Variants in ERC2 observed in about 807,000 individuals in gnomAD.
The protein encoded by ERC2 is ELKS/RAB6-interacting/CAST family member 2.
ERC2 carries 42 observed loss-of-function variants against 114.8 expected under a neutral mutation model. The observed-to-expected ratio is 0.37, with a 90% CI of 0.29 to 0.47. ERC2 has a LOEUF of 0.47. Among genes scored for constraint, ERC2 ranks in the 20% least tolerant of loss-of-function variants. The pLI is 0.99. For synonymous variants in ERC2, 454 were observed against 425.5 expected (o/e 1.07, Z -0.82); for missense variants, 939 against 1,150.7 (o/e 0.82, Z 2.66).
At chr3:55,570,230 G>A (rs988730722) in intron 17 of ERC2, among the ~76,000 whole-genome samples, 6 of 151,844 alleles carry the variant, frequency 4.0e-5, no homozygotes, top group Admixed American at 6.6e-5. Context: ...TCTCCCACCC[G>A]TCTCAATTTC....
intron 17 of ERC2, among the ~76,000 whole-genome samples, chr3:55,577,008 G>A (rs576720186): frequency 3.9e-5 from 6 of 152,334 alleles, no homozygotes; most frequent in Admixed American, 2.0e-4. Context: ...AAGCTAAGAC[G>A]TCTGGCTTGC....
intron 13 of ERC2, among the ~76,000 whole-genome samples, chr3:55,897,950 T>C (rs1194645097): frequency 6.6e-6 from 1 of 152,204 alleles, no homozygotes; most frequent in Non-Finnish European, 1.5e-5. Context: ...ATTGGTTGCC[T>C]CTGATCCTTC....
chr3:56,316,732 T>C (rs909364168), intron 2 of ERC2, among the ~76,000 whole-genome samples: 2 of 152,222 alleles, frequency 1.3e-5, no homozygotes, highest in Admixed American at 1.3e-4. Context: ...CACAACTTAT[T>C]CAGTGAATTC....
chr3:56,043,804 C>G (rs2075323045), intron 7 of ERC2, among the ~76,000 whole-genome samples: 1 of 152,078 alleles, frequency 6.6e-6, no homozygotes, highest in Non-Finnish European at 1.5e-5. Context: ...TCAATTGCAA[C>G]TAACTTTAAA....
chr3:55,757,666 T>C (rs979525601), intron 14 of ERC2, among the ~76,000 whole-genome samples: 1 of 152,272 alleles, frequency 6.6e-6, no homozygotes. Context: ...GCTTGACACA[T>C]GGTAAGCATT....
intron 2 of ERC2, among the ~76,000 whole-genome samples, chr3:56,428,987 T>C (rs1196256617): frequency 6.6e-6 from 1 of 152,186 alleles, no homozygotes; most frequent in Non-Finnish European, 1.5e-5. Flanking sequence ...TGTCTAAAAA[T>C]TGCTTTATGT....
chr3:55,729,372 T>C (rs141498464), intron 15 of ERC2, among the ~76,000 whole-genome samples: 1,765 of 152,264 alleles, frequency 0.012, 18 homozygotes, highest in Non-Finnish European at 0.018. Context: ...CTTGCTCCAA[T>C]GTCTCCTTCC....
At chr3:56,155,332 ATC>A (rs1158217053) in intron 4 of ERC2, among the ~76,000 whole-genome samples, 1 of 151,208 alleles carries the variant, frequency 6.6e-6, no homozygotes, top group Non-Finnish European at 1.5e-5. Flanking sequence ...AAGAGAAAAG[ATC>A]TCTCTCTTAT....
chr3:56,037,180 CA>C (rs2074863384), intron 7 of ERC2, among the ~76,000 whole-genome samples: 1 of 152,154 alleles, frequency 6.6e-6, no homozygotes. Context: ...AGCAAGAACA[CA>C]GAACTGAACT....
At chr3:55,636,989 T>C (rs2059983844) in intron 17 of ERC2, among the ~76,000 whole-genome samples, 1 of 152,192 alleles carries the variant, frequency 6.6e-6, no homozygotes, top group Admixed American at 6.5e-5. Context: ...TGTCACACAC[T>C]TCCCGACCAT....
chr3:55,743,592 C>CAAAAAAAAAAAAAA (rs1559583956), intron 14 of ERC2, among the ~76,000 whole-genome samples: 1 of 27,888 alleles, frequency 3.6e-5, no homozygotes, highest in African/African-American at 9.3e-5. Flanking sequence ...GCCTGATCCA[C>CAAAAAAAAAAAAAA]CAAAAAAAAA....
intron 14 of ERC2, among the ~76,000 whole-genome samples, chr3:55,745,208 C>G (rs967005069): frequency 5.3e-5 from 8 of 152,166 alleles, no homozygotes; most frequent in African/African-American, 1.9e-4. Flanking sequence ...AGTTGCATCC[C>G]AGACAAGCCA....
At chr3:55,557,377 C>T (rs375181165) in intron 17 of ERC2, among the ~76,000 whole-genome samples, 15 of 152,316 alleles carry the variant, frequency 9.8e-5, no homozygotes, top group African/African-American at 3.6e-4. Flanking sequence ...CCAGGGCCCT[C>T]CCTTCCTCTC....
chr3:56,024,803 C>T (rs1034482875), intron 7 of ERC2, among the ~76,000 whole-genome samples: 1 of 152,214 alleles, frequency 6.6e-6, no homozygotes, highest in Non-Finnish European at 1.5e-5. Flanking sequence ...GACTTTCTTT[C>T]TCTCAAGTTC....
intron 7 of ERC2, among the ~76,000 whole-genome samples, chr3:56,037,994 C>T (rs1472013455): frequency 6.6e-6 from 1 of 152,114 alleles, no homozygotes; most frequent in African/African-American, 2.4e-5. Flanking sequence ...CCATAAAAAC[C>T]CTAGAAGAAA....
intron 7 of ERC2, among the ~76,000 whole-genome samples, chr3:56,074,514 C>A (rs2076885295): frequency 1.3e-5 from 2 of 152,114 alleles, no homozygotes; most frequent in Non-Finnish European, 2.9e-5. Context: ...TCCTAACAAT[C>A]CAATAAATTA....
At chr3:56,014,362 T>G (rs770523964) in intron 8 of ERC2, among the ~76,000 whole-genome samples, 2 of 152,116 alleles carry the variant, frequency 1.3e-5, no homozygotes, top group African/African-American at 2.4e-5. Flanking sequence ...GTTGTCCAAT[T>G]CAGATGCCAT....
In ERC2 at chr3:56,310,280, C is replaced by T. The variant is rs556557599; in HGVS notation, c.658-13845G>A. ...TACCCCAAACGTGTAATGATAGAAA[C>T]GATAGCTAAAATAGAAACGCTTATA... On this transcript the variant is annotated intron_variant, in intron 2 of 17. Coordinates refer to ENST00000288221, the MANE Select transcript of ERC2 (RefSeq NM_015576.3). 8.5e-5 allele frequency among the ~76,000 whole-genome samples: 13 copies of T among 152,174 alleles called. 1 individual carries two copies. In the South Asian group the frequency reaches 2.7e-3, roughly 32 times the overall value.
intron 2 of ERC2, among the ~76,000 whole-genome samples, chr3:56,326,807 T>C (rs1447871609): frequency 6.6e-6 from 1 of 152,202 alleles, no homozygotes; most frequent in Non-Finnish European, 1.5e-5. Context: ...AGGCCATGGT[T>C]AGGCACCTGC....
Sources: gnomAD v4.1 joint callset for allele counts (sites outside exome capture counted in the v4.1 genomes callset) on GRCh38, gnomAD v4.1.1 for gene constraint, MANE v1.5 for transcripts, NCBI Gene and HGNC (gene_info 2026-07-23, HGNC 2026-07-21) for gene names.